SORCS1: variants seen among roughly 807,000 people sequenced by gnomAD.
SORCS1 encodes the protein VPS10 domain-containing receptor SorCS1.
SORCS1 carries 60 observed loss-of-function variants against 146.1 expected under a neutral mutation model. That is an observed-to-expected ratio of 0.41 (90% CI 0.33 to 0.51). The LOEUF is 0.51. Ranked by LOEUF, SORCS1 falls within the 20% of genes least tolerant of loss-of-function variation. The pLI is 0.21. For missense variants in SORCS1, 1,352 were observed against 1,487.6 expected (o/e 0.91, Z 1.50); for synonymous variants, 637 against 584.0 (o/e 1.09, Z -1.31).
At position 107,054,373 on chromosome 10, in the gene SORCS1, G is replaced by T. The variant is rs376552198; in HGVS notation, c.559-97793C>A. On this transcript the variant is annotated intron_variant, in intron 1 of 25. Transcript: ENST00000263054. The stretch of plus-strand genomic sequence containing the variant: ...GTATATGTAATAATTGGGAACTTTT[G>T]TTGGGGGGTTTCCTGAGGAAGCTTC... 7.9e-5 allele frequency among the ~76,000 whole-genome samples: 12 copies of T among 152,244 alleles called. No homozygotes were observed. The East Asian group carries it at 1.9e-3, about 25-fold the overall frequency.
intron 1 of SORCS1, among the ~76,000 whole-genome samples, chr10:107,144,749 C>G (rs187086156): frequency 8.3e-4 from 127 of 152,364 alleles, no homozygotes; most frequent in African/African-American, 2.9e-3. Context: ...TTCCTCTCCC[C>G]CTTCGGCACA....
chr10:107,025,842 A>T (rs941201494), intron 1 of SORCS1, among the ~76,000 whole-genome samples: 1 of 152,248 alleles, frequency 6.6e-6, no homozygotes, highest in African/African-American at 2.4e-5. Flanking sequence ...AACGGCAGTC[A>T]GCAAGCGTGA....
intron 1 of SORCS1, among the ~76,000 whole-genome samples, chr10:107,082,901 C>A (rs1963438830): frequency 6.6e-6 from 1 of 151,768 alleles, no homozygotes; most frequent in Admixed American, 6.6e-5. Flanking sequence ...GTCAGGAGAT[C>A]CCAGACCACC....
At chr10:106,742,300 T>C (rs578258934) in intron 5 of SORCS1, among the ~76,000 whole-genome samples, 1 of 152,228 alleles carries the variant, frequency 6.6e-6, no homozygotes, top group Non-Finnish European at 1.5e-5. Flanking sequence ...TACTGAGATA[T>C]CTTAGGGATG....
At position 106,612,081 on chromosome 10, in the gene SORCS1, G is replaced by T. The variant is rs74696226; in HGVS notation, c.2921-58C>A. On this transcript the variant is annotated intron_variant, in intron 21 of 25. Coordinates refer to ENST00000263054, the MANE Select transcript of SORCS1 (RefSeq NM_052918.5). ...GTCAAATAGTCCTGTCAAGAGGTTT[G>T]TTAGACTTTATATTTTATACAAAAT... 3.8e-5 allele frequency: 51 copies of T among 1,354,368 alleles called. No homozygotes were observed. In the East Asian group the frequency reaches 1.2e-3, roughly 31 times the overall value. 83.9% of individuals were successfully genotyped at this position (1,354,368 alleles called of 1,614,324 possible).
At chr10:107,114,217 C>A (rs1011221655) in intron 1 of SORCS1, among the ~76,000 whole-genome samples, 2 of 152,108 alleles carry the variant, frequency 1.3e-5, no homozygotes, top group South Asian at 2.1e-4. Context: ...TAATGCCCAT[C>A]CTTCTCAAAG....
chr10:107,058,094 T>C (rs1251536479), intron 1 of SORCS1, among the ~76,000 whole-genome samples: 1 of 152,114 alleles, frequency 6.6e-6, no homozygotes, highest in Non-Finnish European at 1.5e-5. Flanking sequence ...CAGGCTGGAG[T>C]GCAGTGGTGC....
chr10:106,598,556 G>A (rs1053376935), intron 23 of SORCS1, among the ~76,000 whole-genome samples: 3 of 151,852 alleles, frequency 2.0e-5, no homozygotes, highest in Non-Finnish European at 2.9e-5. Flanking sequence ...CACTGCGCCC[G>A]GCCCACTCCT....
intron 2 of SORCS1, among the ~76,000 whole-genome samples, chr10:106,863,303 T>A (rs1950093114): frequency 6.6e-6 from 1 of 152,120 alleles, no homozygotes; most frequent in South Asian, 2.1e-4. Flanking sequence ...AGGGGGCAGA[T>A]AACTTGAGGT....
At chr10:106,579,092 T>G (rs1021618822) in intron 25 of SORCS1, 1 of 1,613,874 alleles carries the variant, frequency 6.2e-7, no homozygotes, top group Non-Finnish European at 8.5e-7. Flanking sequence ...ATCATTTACC[T>G]ATGAGCTGGG....
intron 21 of SORCS1, among the ~76,000 whole-genome samples, chr10:106,613,497 C>T (rs1334595873): frequency 6.6e-6 from 1 of 152,170 alleles, no homozygotes; most frequent in African/African-American, 2.4e-5. Flanking sequence ...CCCTGCTATA[C>T]TCTGTCATTG....
At chr10:106,946,028 C>A (rs1476187229) in intron 2 of SORCS1, among the ~76,000 whole-genome samples, 1 of 152,156 alleles carries the variant, frequency 6.6e-6, no homozygotes. Context: ...GCTTTTCCCA[C>A]TTGGCACTGG....
rs750020855 is a variant in SORCS1, at chr10:106,956,588, C to G, written c.559-8G>C. 3.0e-5 allele frequency: 48 copies of G among 1,613,336 alleles called. No individual in the cohort carries two copies. The highest frequency in any genetic ancestry group is 3.2e-5 in the Non-Finnish European group (38 of 1,179,622). ...TGTCAAAATGAGAATCACCTGAAGG[C>G]AAAAGAAGAAATCATGGTTAGTCTC... On this transcript the variant is annotated splice_polypyrimidine_tract_variant and splice_region_variant and intron_variant, in intron 1 of 25. Coordinates refer to ENST00000263054, the MANE Select transcript of SORCS1 (RefSeq NM_052918.5).
At chr10:106,971,759 G>A (rs1209838832) in intron 1 of SORCS1, among the ~76,000 whole-genome samples, 2 of 152,308 alleles carry the variant, frequency 1.3e-5, no homozygotes, top group Admixed American at 1.3e-4. Flanking sequence ...ACACTGCAGA[G>A]ATCCACTTTC....
chr10:106,759,640 ACCC>A (rs1243554990), intron 5 of SORCS1, among the ~76,000 whole-genome samples: 21 of 152,284 alleles, frequency 1.4e-4, no homozygotes, highest in Non-Finnish European at 2.2e-4. Flanking sequence ...AATTTTACCC[ACCC>A]ATTCCCATGG....
chr10:107,074,523 G>A (rs934364921), intron 1 of SORCS1, among the ~76,000 whole-genome samples: 18 of 152,134 alleles, frequency 1.2e-4, no homozygotes, highest in Non-Finnish European at 1.8e-4. Flanking sequence ...ACAAGTTTTC[G>A]TGTGGACATA....
chr10:107,110,509 A>G (rs1965620708), intron 1 of SORCS1, among the ~76,000 whole-genome samples: 1 of 151,940 alleles, frequency 6.6e-6, no homozygotes, highest in African/African-American at 2.4e-5. Context: ...GTTGGGGAGG[A>G]GGGGCTACAG....
intron 24 of SORCS1, among the ~76,000 whole-genome samples, chr10:106,581,023 C>T (rs549722468): frequency 2.0e-5 from 3 of 152,116 alleles, no homozygotes; most frequent in Non-Finnish European, 4.4e-5. Flanking sequence ...CCGTGGAACG[C>T]CCAAGGCAAA....
rs1849671932 is a variant in SORCS1, at chr10:106,649,120, T to C, written c.2475+3262A>G. Among the ~76,000 whole-genome samples, 3 of 152,148 alleles carry C rather than the reference T, an allele frequency of 2.0e-5. No individual in the cohort carries two copies. The South Asian group carries it at 6.2e-4, about 32-fold the overall frequency. Reference sequence around the variant, plus strand: ...TGCACTCACTCTCCAAGCCCAGGTGTGATCCGATTCTTCCAGTGCACCAAG... The same window carrying C: ...TGCACTCACTCTCCAAGCCCAGGTGCGATCCGATTCTTCCAGTGCACCAAG... On this transcript the variant is annotated intron_variant, in intron 18 of 25. Coordinates refer to ENST00000263054, the MANE Select transcript of SORCS1 (RefSeq NM_052918.5).
Sources: gnomAD v4.1 joint callset for allele counts (sites outside exome capture counted in the v4.1 genomes callset) on GRCh38, gnomAD v4.1.1 for gene constraint, MANE v1.5 for transcripts, NCBI Gene and HGNC (gene_info 2026-07-23, HGNC 2026-07-21) for gene names.